The following SNX20 variants were observed in gnomAD, a reference collection of about 807,000 sequenced individuals.
The protein encoded by SNX20 is sorting nexin 20.
SNX20 carries 21 observed loss-of-function variants against 24.5 expected under a neutral mutation model. The observed-to-expected ratio is 0.86, with a 90% CI of 0.61 to 1.23. The LOEUF is 1.23. Among genes scored for constraint, SNX20 ranks in the 50% most tolerant of loss-of-function variants. The pLI, the probability that SNX20 is intolerant of heterozygous loss-of-function variation, is 0.00. For synonymous variants in SNX20, 206 were observed against 192.8 expected, an observed-to-expected ratio of 1.07 and a Z score of -0.57; for missense variants, 433 against 430.8, an observed-to-expected ratio of 1.00 and a Z score of -0.04.
chr16:50,679,236 C>A (rs777966483), intron 1 of SNX20, among the ~76,000 whole-genome samples: 78 of 152,288 alleles, frequency 5.1e-4, no homozygotes, highest in Admixed American at 7.8e-4. Context: ...AAGATAGAGC[C>A]AGTGCCTCCC....
downstream of SNX20, chr16:50,668,380 G>A (rs1421876052): frequency 4.0e-6 from 4 of 1,004,304 alleles, no homozygotes; most frequent in South Asian, 2.2e-5. Context: ...GTCTACCAGC[G>A]GCCTCAGGCT....
At position 50,677,517 on chromosome 16, in the gene SNX20, G is replaced by A. The variant is rs1412707873; in HGVS notation, c.10C>T (p.Pro4Ser). 3 of 1,589,468 alleles carry A rather than the reference G, an allele frequency of 1.9e-6. No individual in the cohort carries two copies. The highest frequency in any genetic ancestry group is 2.6e-6 in the Non-Finnish European group (3 of 1,166,670). The part of the protein sequence containing the change: MAS[P>S]EHPGSPGCMG... Reference sequence around the variant, plus strand: ...CAGCCAGGGCTCCCAGGGTGCTCTGGACTTGCCATGCTCCAAGGCTGCCAG... The same window carrying A: ...CAGCCAGGGCTCCCAGGGTGCTCTGAACTTGCCATGCTCCAAGGCTGCCAG... The change falls in exon 2 of 4, where the codon CCA (proline) becomes TCA (serine). Residue 4 changes from proline (P) to serine (S), a missense_variant. Coordinates refer to ENST00000330943, the MANE Select transcript of SNX20 (RefSeq NM_182854.4).
At chr16:50,674,854 C>T (rs770410298) in intron 3 of SNX20, among the ~76,000 whole-genome samples, 8 of 152,144 alleles carry the variant, frequency 5.3e-5, no homozygotes, top group Non-Finnish European at 7.3e-5. Flanking sequence ...ATCCTGATTA[C>T]GGGCAATTAT....
chr16:50,668,960 C>A, downstream of SNX20: 1 of 1,534,964 alleles, frequency 6.5e-7, no homozygotes, highest in South Asian at 1.2e-5. Context: ...CAGCACTGAC[C>A]CTGCACCCCT....
downstream of SNX20, chr16:50,668,696 T>C (rs77221001): frequency 3.8e-3 from 4,021 of 1,064,652 alleles, 143 homozygotes; most frequent in African/African-American, 0.061. Context: ...CAGGAAGCAT[T>C]TGGAGACGTG....
chr16:50,673,750 G>A lies in SNX20; in HGVS notation c.607C>T (p.Arg203Cys), dbSNP rs778323232. Residue 203 changes from arginine to cysteine, a missense_variant, in exon 4 of 4, where the codon CGC becomes TGC. Transcript: ENST00000330943. The surrounding 1 kb of genome is among the most constrained non-coding windows in gnomAD (Gnocchi z 4.1). ...ACGCGCAGCAGCAGCTCCAGGGCGC[G>A]CGGGTACTGGCCGGCCCGCAGGCAG... Reference protein sequence around the residue: ...FGCLRAGQYPRALELLLRVLP... With the variant: ...FGCLRAGQYPCALELLLRVLP... The A allele has an allele frequency of 2.0e-6, 3 of 1,514,630 alleles. No individual in the cohort carries two copies. Among genetic ancestry groups the A allele is most frequent in the Non-Finnish European group, 2.6e-6 (3 of 1,138,044 alleles). 93.8% of individuals were successfully genotyped at this position (1,514,630 alleles called of 1,614,324 possible).
chr16:50,674,542 C>T (rs898015833), intron 3 of SNX20, among the ~76,000 whole-genome samples: 14 of 152,150 alleles, frequency 9.2e-5, no homozygotes, highest in Non-Finnish European at 7.3e-5. Flanking sequence ...GCCACTGCAC[C>T]TGGCCCAATT....
chr16:50,673,796 C>A lies in SNX20; in HGVS notation c.561G>T (p.Pro187=). Residue 187 remains proline (P), a synonymous_variant, in exon 4 of 4, where the codon CCG becomes CCT. Coordinates refer to ENST00000330943, the MANE Select transcript of SNX20 (RefSeq NM_182854.4). The surrounding 1 kb of genome is among the most constrained non-coding windows in gnomAD (Gnocchi z 4.1). The stretch of plus-strand genomic sequence containing the variant: ...GGCAGCCGAAAGCCTCGCGCAGCTC[C>A]GGCCGCGTGAGGAAGTCCAGGAACT... ...SREFLDFLTR[P]ELREAFGCLR... 1 of 1,578,196 alleles carries A rather than the reference C, an allele frequency of 6.3e-7. No homozygotes were observed. The highest frequency in any genetic ancestry group is 8.6e-7 in the Non-Finnish European group (1 of 1,168,350).
In SNX20 at chr16:50,675,935, A is replaced by G; in HGVS notation, c.131-14T>C. On this transcript the variant is annotated splice_polypyrimidine_tract_variant and intron_variant, in intron 2 of 3. Coordinates refer to ENST00000330943, the MANE Select transcript of SNX20 (RefSeq NM_182854.4). ...CACTGTGTGTGTCTGGAAGGACAAC[A>G]CCCTTAAGGATCTGCACCCTGTCAG... 1.3e-6 allele frequency: 2 copies of G among 1,593,410 alleles called. No homozygotes were observed. The highest frequency in any genetic ancestry group is 1.7e-6 in the Non-Finnish European group (2 of 1,172,834).
rs774141153 is a variant in SNX20, at chr16:50,677,464, T to A, written c.63A>T (p.Ala21=). Residue 21 remains alanine (A), a synonymous_variant, in exon 2 of 4, where the codon GCA becomes GCT. Coordinates refer to ENST00000330943, the MANE Select transcript of SNX20 (RefSeq NM_182854.4). ...TGGCTGGTGCTTCCTGCTGGGTCCT[T>A]GCCGTGCACTGGGTTATGGGTCCCA... ...GCMGPITQCT[A]RTQQEAPATG... The A allele has an allele frequency of 1.1e-5, 17 of 1,610,212 alleles. No homozygotes were observed. The highest frequency in any genetic ancestry group is 1.3e-5 in the Non-Finnish European group (15 of 1,178,150).
At chr16:50,677,674 ACT>A (rs1348404416) in intron 1 of SNX20, 139 bp from the exon 2 acceptor site, 1 of 932,820 alleles carries the variant, frequency 1.1e-6, no homozygotes, top group Non-Finnish European at 1.5e-6. Context: ...AACCTTCCCC[ACT>A]CTCCCAGCTG....
chr16:50,675,165 C>A (rs751349855), intron 3 of SNX20, among the ~76,000 whole-genome samples: 1 of 152,190 alleles, frequency 6.6e-6, no homozygotes, highest in Non-Finnish European at 1.5e-5. Flanking sequence ...AAGTGTGGCT[C>A]TTAGGCAGTC....
At chr16:50,677,827 G>T (rs1408071780) in intron 1 of SNX20, among the ~76,000 whole-genome samples, 2 of 152,228 alleles carry the variant, frequency 1.3e-5, no homozygotes, top group East Asian at 1.9e-4. Flanking sequence ...ATGATTTCAA[G>T]TAAAAGTATT....
intron 1 of SNX20, among the ~76,000 whole-genome samples, chr16:50,678,303 T>C (rs1280916265): frequency 6.6e-6 from 1 of 152,216 alleles, no homozygotes; most frequent in African/African-American, 2.4e-5. Context: ...AATTAACTGA[T>C]AGCTTATTAT....
At chr16:50,669,376 A>T (rs1265733159), downstream of SNX20, 9 of 509,756 alleles carry the variant, frequency 1.8e-5, no homozygotes, top group Middle Eastern at 5.1e-4. Context: ...ACATGGCAAG[A>T]GAGGGAGCAA....
In SNX20 at chr16:50,676,488, C is replaced by T. The variant is rs72796338; in HGVS notation, c.131-567G>A. ...ACCCTCTATTTCCACGCCTGGAAAA[C>T]GAACACAGTGTTTCTTAAACCCCAC... On this transcript the variant is annotated intron_variant, in intron 2 of 3. Coordinates refer to ENST00000330943, the MANE Select transcript of SNX20 (RefSeq NM_182854.4). Among the ~76,000 whole-genome samples the T allele has an allele frequency of 7.7e-3, 1,177 of 152,268 alleles. 7 individuals carry two copies. The highest frequency in any genetic ancestry group is 0.013 in the Non-Finnish European group (894 of 68,026).
intron 1 of SNX20, among the ~76,000 whole-genome samples, chr16:50,677,927 T>C (rs7195707): frequency 0.17 from 26,564 of 152,126 alleles, 7,028 homozygotes; most frequent in African/African-American, 0.57. Context: ...AGTGTTCAAG[T>C]TGAACATGGC....
intron 1 of SNX20, among the ~76,000 whole-genome samples, chr16:50,679,777 T>A (rs1192189263): frequency 6.6e-6 from 1 of 152,186 alleles, no homozygotes; most frequent in East Asian, 1.9e-4. Flanking sequence ...GGTGCCTAAG[T>A]GAGACAGTGG....
intron 3 of SNX20, 94 bp from the exon 4 acceptor site, chr16:50,674,168 A>G: frequency 6.9e-7 from 1 of 1,446,784 alleles, no homozygotes; most frequent in South Asian, 1.6e-5. Flanking sequence ...GCCGGTGTAA[A>G]GCATGCCCTG....
Sources: gnomAD v4.1 joint callset for allele counts (sites outside exome capture counted in the v4.1 genomes callset) on GRCh38, gnomAD v4.1.1 for gene constraint, Gnocchi (gnomAD v3.1) non-coding constraint, MANE v1.5 for transcripts, NCBI Gene and HGNC (gene_info 2026-07-23, HGNC 2026-07-21) for gene names.